The following DLG2 variants were observed in gnomAD, a reference collection of about 807,000 sequenced individuals.
DLG2 encodes disks large homolog 2.
Under a neutral mutation model 132.5 loss-of-function variants are expected in DLG2, and 45 were observed. That is an observed-to-expected ratio of 0.34 (90% CI 0.27 to 0.44). DLG2 has a LOEUF of 0.44. Among genes scored for constraint, DLG2 ranks in the 20% least tolerant of loss-of-function variants. The pLI is 1.00. For synonymous variants in DLG2, 424 were observed against 419.6 expected (o/e 1.01, Z -0.13); for missense variants, 1,045 against 1,196.9 (o/e 0.87, Z 1.87).
At chr11:84,366,056 C>A (rs189442532) in intron 7 of DLG2, among the ~76,000 whole-genome samples, 138 of 152,110 alleles carry the variant, frequency 9.1e-4, no homozygotes, top group African/African-American at 3.3e-3. Context: ...TGAAGAGCAG[C>A]CAGAGAGAAA....
chr11:85,496,728 G>T (rs897540841), intron 3 of DLG2, among the ~76,000 whole-genome samples: 3 of 152,092 alleles, frequency 2.0e-5, no homozygotes, highest in Non-Finnish European at 4.4e-5. Flanking sequence ...TCAGAGGAAG[G>T]ATCAGGCAGC....
intron 7 of DLG2, among the ~76,000 whole-genome samples, chr11:84,349,541 A>G (rs926256034): frequency 2.6e-5 from 4 of 152,202 alleles, no homozygotes; most frequent in Admixed American, 1.3e-4. Context: ...TACATTGTGA[A>G]TGACACACCC....
intron 7 of DLG2, among the ~76,000 whole-genome samples, chr11:84,269,830 T>C (rs2097696456): frequency 6.6e-6 from 1 of 152,224 alleles, no homozygotes; most frequent in African/African-American, 2.4e-5. Flanking sequence ...ATATGATTGT[T>C]AGCAGTATAA....
chr11:83,820,758 T>C (rs1218563619), intron 17 of DLG2, among the ~76,000 whole-genome samples: 1 of 152,150 alleles, frequency 6.6e-6, no homozygotes. Flanking sequence ...AGCAAATATG[T>C]AGTATAGGAA....
intron 7 of DLG2, among the ~76,000 whole-genome samples, chr11:84,493,603 G>A (rs1043964785): frequency 6.6e-6 from 1 of 152,022 alleles, no homozygotes; most frequent in Non-Finnish European, 1.5e-5. Context: ...CAGTGAGCAG[G>A]CACTGGAGTC....
chr11:84,376,769 A>G lies in DLG2; in HGVS notation c.520-125478T>C, dbSNP rs559686491. Reference sequence around the variant, plus strand: ...GTAGCTAGAGTGGCAACCATTTACTATGAAAATTGGCAATTAAAAAGAATT... The same window carrying G: ...GTAGCTAGAGTGGCAACCATTTACTGTGAAAATTGGCAATTAAAAAGAATT... On this transcript the variant is annotated intron_variant, in intron 7 of 27. Transcript: ENST00000376104. 7.2e-5 allele frequency among the ~76,000 whole-genome samples: 11 copies of G among 152,080 alleles called. No individual in the cohort carries two copies. In the South Asian group the frequency reaches 2.3e-3, roughly 32 times the overall value.
chr11:85,478,368 C>G (rs2093202719), intron 3 of DLG2, among the ~76,000 whole-genome samples: 1 of 151,978 alleles, frequency 6.6e-6, no homozygotes, highest in Admixed American at 6.6e-5. Flanking sequence ...AATTAAGTGG[C>G]CTCTTCCCTT....
chr11:84,586,555 C>T (rs1271862128), intron 6 of DLG2, among the ~76,000 whole-genome samples: 1 of 152,114 alleles, frequency 6.6e-6, no homozygotes, highest in Non-Finnish European at 1.5e-5. Flanking sequence ...CTTTAAAAAT[C>T]ATTTAAATGT....
chr11:83,682,020 G>A (rs201299392), intron 18 of DLG2: 14 of 507,132 alleles, frequency 2.8e-5, no homozygotes, highest in Middle Eastern at 9.7e-4. Context: ...TATTTTGCTC[G>A]TTAAAAGGAA....
At chr11:83,503,366 CATTTATATATATATATATATAT>C (rs1373703519) in intron 21 of DLG2, among the ~76,000 whole-genome samples, 1,864 of 47,082 alleles carry the variant, frequency 0.04, 72 homozygotes, top group African/African-American at 0.098. Flanking sequence ...CACACACACC[CATTTATATATATATATATATAT>C]ATATATATAT....
At chr11:85,179,319 G>A (rs910718971) in intron 4 of DLG2, among the ~76,000 whole-genome samples, 13 of 151,580 alleles carry the variant, frequency 8.6e-5, no homozygotes, top group South Asian at 2.1e-4. Flanking sequence ...ACTAAAGGAC[G>A]TACTTCAGCA....
chr11:83,869,188 G>A (rs995447230), intron 16 of DLG2, among the ~76,000 whole-genome samples: 2 of 152,006 alleles, frequency 1.3e-5, no homozygotes, highest in East Asian at 1.9e-4. Flanking sequence ...GGTGATTTTC[G>A]GATCACATTC....
intron 9 of DLG2, among the ~76,000 whole-genome samples, chr11:84,125,334 T>C (rs1249733366): frequency 6.6e-6 from 1 of 152,192 alleles, no homozygotes; most frequent in Non-Finnish European, 1.5e-5. Context: ...ATAGCTTTTA[T>C]GTAGCATGGA....
intron 6 of DLG2, among the ~76,000 whole-genome samples, chr11:84,749,819 T>C (rs1565865312): frequency 6.6e-6 from 1 of 152,146 alleles, no homozygotes; most frequent in Non-Finnish European, 1.5e-5. Flanking sequence ...CTGCTGTTGG[T>C]TTCCTCTACG....
rs566384317 is a variant in DLG2 at position 84,440,937 on chromosome 11, A to G, written c.519+93633T>C. Among the ~76,000 whole-genome samples, 91 of 152,312 alleles carry G rather than the reference A, an allele frequency of 6.0e-4. 3 individuals carry two copies. The South Asian group carries it at 0.018, about 30-fold the overall frequency. On this transcript the variant is annotated intron_variant, in intron 7 of 27. Coordinates refer to ENST00000376104, the MANE Select transcript of DLG2 (RefSeq NM_001142699.3). The stretch of plus-strand genomic sequence containing the variant: ...AATTATTTTTAAAAACAGAGCCAAA[A>G]TTCAATCCAAGGAATTAATATCTGG...
chr11:85,171,455 G>A (rs1004951345), intron 4 of DLG2, among the ~76,000 whole-genome samples: 1 of 152,196 alleles, frequency 6.6e-6, no homozygotes, highest in African/African-American at 2.4e-5. Context: ...TGGATCCGAA[G>A]CAGAGAGCTG....
intron 16 of DLG2, among the ~76,000 whole-genome samples, chr11:83,834,491 T>C (rs953014435): frequency 5.9e-5 from 9 of 151,830 alleles, no homozygotes; most frequent in African/African-American, 2.2e-4. Flanking sequence ...GACTCAGACA[T>C]TGGAAAAAGA....
intron 21 of DLG2, among the ~76,000 whole-genome samples, chr11:83,494,697 G>T (rs773392553): frequency 2.0e-5 from 3 of 151,164 alleles, no homozygotes; most frequent in East Asian, 3.9e-4. Context: ...AACTCTAAAG[G>T]CTTCTAGGTG....
chr11:85,350,760 T>G (rs1470067146), intron 3 of DLG2, among the ~76,000 whole-genome samples: 1 of 152,206 alleles, frequency 6.6e-6, no homozygotes, highest in Non-Finnish European at 1.5e-5. Flanking sequence ...TCTGTTCCAT[T>G]GGTCTATGTC....
Sources: allele counts gnomAD v4.1 joint callset (sites outside exome capture counted in the v4.1 genomes callset), GRCh38; gene constraint gnomAD v4.1.1; transcripts MANE v1.5; gene names NCBI Gene and HGNC (gene_info 2026-07-23, HGNC 2026-07-21).